The following CIT variants were observed in gnomAD, a reference collection of about 807,000 sequenced individuals.
The protein encoded by CIT is citron rho-interacting serine/threonine kinase, also known as citron Rho-interacting kinase.
In CIT, 79 loss-of-function variants were observed where a neutral mutation model predicts 272.7. The ratio of observed to expected loss-of-function variants is 0.29; its 90% CI spans 0.24 to 0.35. The LOEUF (loss-of-function observed/expected upper bound fraction) is 0.35, where lower values mean the gene tolerates loss of function less well. CIT is among the 10% of genes least tolerant of loss of function. The pLI is 1.00. For missense variants in CIT, 1,909 were observed against 2,618.3 expected, an observed-to-expected ratio of 0.73 and a Z score of 5.91; for synonymous variants, 948 against 995.6, an observed-to-expected ratio of 0.95 and a Z score of 0.90.
intron 10 of CIT, among the ~76,000 whole-genome samples, chr12:119,793,587 G>A (rs1042690574): frequency 1.1e-4 from 17 of 152,218 alleles, no homozygotes; most frequent in Non-Finnish European, 4.4e-5. Context: ...CATGTTCCTT[G>A]TGTATCCTTA....
chr12:119,773,010 A>C, intron 16 of CIT, 100 bp from the exon 17 acceptor site: 1 of 939,310 alleles, frequency 1.1e-6, no homozygotes, highest in Non-Finnish European at 1.4e-6. Flanking sequence ...CTTAAAGTAT[A>C]ATCTAAAAAA....
Position 119,728,074 on chromosome 12 carries a change from C to A in CIT, c.3591+428G>T, listed in dbSNP as rs1204414413. On this transcript the variant is annotated intron_variant, in intron 28 of 47. Transcript: ENST00000392521. This position sits in a 1 kb window ranked among gnomAD's most constrained non-coding sequence, Gnocchi z 4.3. ...ATGCAACATTCTGGAAAAGGGAAAA[C>A]TATGGAGACAGCAAAAAGATCAGTG... Among the ~76,000 whole-genome samples the A allele has an allele frequency of 6.6e-6, 1 of 152,118 alleles. No individual in the cohort carries two copies. Among genetic ancestry groups the A allele is most frequent in the African/African-American group, 2.4e-5 (1 of 41,428 alleles).
chr12:119,810,410 C>G (rs147697126), intron 9 of CIT, among the ~76,000 whole-genome samples: 21 of 152,170 alleles, frequency 1.4e-4, no homozygotes, highest in Non-Finnish European at 1.3e-4. Flanking sequence ...AAAGAAGTAA[C>G]AAAATGTGGC....
chr12:119,693,933 T>C (rs1213180438), intron 46 of CIT, among the ~76,000 whole-genome samples: 1 of 152,228 alleles, frequency 6.6e-6, no homozygotes, highest in East Asian at 1.9e-4. Flanking sequence ...AGACATTATG[T>C]CGGGCACATG....
intron 10 of CIT, 95 bp downstream of exon 10, chr12:119,803,111 C>A: frequency 3.3e-6 from 1 of 300,622 alleles, no homozygotes. Flanking sequence ...CCACTGCACT[C>A]CCCCCACCTA....
At chr12:119,766,063 G>A (rs1962418970) in intron 19 of CIT, among the ~76,000 whole-genome samples, 1 of 152,162 alleles carries the variant, frequency 6.6e-6, no homozygotes, top group South Asian at 2.1e-4. Flanking sequence ...CACAAACCCT[G>A]TCAGCGGGGG....
Position 119,799,011 on chromosome 12 carries a change from TC to T in CIT, c.1295+4194del, listed in dbSNP as rs377082738. Among the ~76,000 whole-genome samples, 1,010 of 152,232 alleles carry T rather than the reference TC, an allele frequency of 6.6e-3. 5 individuals are homozygous for T. Among genetic ancestry groups the T allele is most frequent in the Middle Eastern group, 0.031 (9 of 294 alleles). The stretch of plus-strand genomic sequence containing the variant: ...CTGGGACTGGACCTTCTAATTCTGT[TC>T]CCCAATCCACTCCTCCCCAACATCC... On this transcript the variant is annotated intron_variant, in intron 10 of 47. Transcript: ENST00000392521.
At chr12:119,756,538 G>C (rs1056411721) in intron 22 of CIT, among the ~76,000 whole-genome samples, 1 of 152,186 alleles carries the variant, frequency 6.6e-6, no homozygotes, top group Non-Finnish European at 1.5e-5. Context: ...CCCATCCAAG[G>C]TGCTCTTCCT....
Position 119,784,918 on chromosome 12 carries a change from G to A in CIT, c.1401+42C>T. On this transcript the variant is annotated intron_variant, in intron 11 of 47. Transcript: ENST00000392521. The surrounding 1 kb of genome is among the most constrained non-coding windows in gnomAD (Gnocchi z 4.7). The stretch of plus-strand genomic sequence containing the variant: ...ATCCCTTGGCATATACGGACGGGAG[G>A]ATCCTGGAGCAAGGAAGGAGGCCGG... The A allele has an allele frequency of 6.2e-7, 1 of 1,610,072 alleles. No homozygotes were observed.
chr12:119,725,352 G>A (rs1381195110), intron 28 of CIT, among the ~76,000 whole-genome samples: 4 of 152,048 alleles, frequency 2.6e-5, no homozygotes, highest in African/African-American at 4.8e-5. Flanking sequence ...CTTGACCCTC[G>A]GAGGTGGAGG....
Position 119,857,625 on chromosome 12 carries a change from A to G in CIT, c.312T>C (p.Gly104=), listed in dbSNP as rs765423761. The G allele has an allele frequency of 2.5e-6, 4 of 1,614,168 alleles. No individual in the cohort carries two copies. Among genetic ancestry groups the G allele is most frequent in the East Asian group, 4.5e-5 (2 of 44,882 alleles). ...AKDFEVRSLV[G]CGHFAEVQVV... is the part of the protein sequence containing the mutation. ...CCTGCACTTCAGCAAAGTGACCACA[A>G]CCTACAAGACTTCTGACTTCGAAGT... The change falls in exon 4 of 48, where the codon GGT becomes GGC. Residue 104 remains glycine (G), a synonymous_variant. Transcript: ENST00000392521.
At chr12:119,877,056 C>T (rs1246315029) in intron 1 of CIT, among the ~76,000 whole-genome samples, 193 bp downstream of exon 1, 3 of 152,170 alleles carry the variant, frequency 2.0e-5, no homozygotes, top group African/African-American at 7.2e-5. Context: ...GCTGACCCCT[C>T]GGCTCCCAAG....
intron 4 of CIT, among the ~76,000 whole-genome samples, chr12:119,854,524 T>C (rs1246443071): frequency 1.3e-5 from 2 of 151,730 alleles, no homozygotes; most frequent in East Asian, 3.9e-4. Flanking sequence ...CCGCCTGTAG[T>C]CCCAGCTACT....
intron 26 of CIT, among the ~76,000 whole-genome samples, chr12:119,731,163 T>C (rs999709014): frequency 4.6e-5 from 7 of 151,394 alleles, no homozygotes; most frequent in African/African-American, 1.7e-4. Flanking sequence ...TTAAATGTTT[T>C]TGGGTACTCA....
intron 40 of CIT, 128 bp from the exon 41 acceptor site, chr12:119,704,583 G>T: frequency 1.2e-6 from 1 of 800,944 alleles, no homozygotes; most frequent in Non-Finnish European, 2.0e-6. Context: ...GTGGTGGGGG[G>T]AGGGCTGTCC....
chr12:119,817,511 C>CA (rs149351532), intron 9 of CIT, among the ~76,000 whole-genome samples: 9 of 150,284 alleles, frequency 6.0e-5, no homozygotes, highest in South Asian at 2.1e-4. Context: ...GACCCCATCT[C>CA]AAAAAAAAAT....
In CIT at chr12:119,803,293, T is replaced by G; in HGVS notation, c.1208A>C (p.Gln403Pro). ...KNSWVSSSPC[Q>P]LSPSGFSGEE... ...ACCCGAGAAGCCTGAGGGGCTCAGC[T>G]GGCACGGAGAGGATGAAACCCACGA... Residue 403 changes from glutamine to proline, a missense_variant, in exon 10 of 48, where the codon CAG becomes CCG. By Grantham distance (76) the Gln-to-Pro change is moderately conservative. This residue lies in a region of CIT where 529 missense variants were observed against 549.6 expected (regional missense o/e 0.96). Coordinates refer to ENST00000392521, the MANE Select transcript of CIT (RefSeq NM_001206999.2). The G allele has an allele frequency of 6.2e-7, 1 of 1,610,622 alleles. No individual in the cohort carries two copies. Among genetic ancestry groups the G allele is most frequent in the Non-Finnish European group, 8.5e-7 (1 of 1,178,402 alleles).
In CIT at chr12:119,690,446, T is replaced by C; in HGVS notation, c.5891A>G (p.Asn1964Ser). ...RGPSTSRSSP[N>S]KRGPPTYNEH... ...GTTGTACGTGGGTGGGCCTCGCTTG[T>C]TGGGGCTGCTGGCGACACAAGAGGA... The change falls in exon 47 of 48, where the codon AAC becomes AGC. Residue 1964 changes from asparagine to serine, a missense_variant. Asn to Ser is a conservative substitution (Grantham distance 46). Transcript: ENST00000392521. This position sits in a 1 kb window ranked among gnomAD's most constrained non-coding sequence, Gnocchi z 6.0. 1 of 1,586,974 alleles carries C rather than the reference T, an allele frequency of 6.3e-7. No homozygotes were observed. The highest frequency in any genetic ancestry group is 1.1e-5 in the South Asian group (1 of 88,212).
chr12:119,874,569 T>G (rs1256647868), intron 2 of CIT, among the ~76,000 whole-genome samples: 2 of 152,208 alleles, frequency 1.3e-5, no homozygotes, highest in Non-Finnish European at 2.9e-5. Flanking sequence ...TATTTGGAAG[T>G]AATCTTATGA....
Sources: allele counts gnomAD v4.1 joint callset (sites outside exome capture counted in the v4.1 genomes callset), GRCh38; gene constraint gnomAD v4.1.1; regional missense constraint gnomAD v4.1.1; non-coding constraint Gnocchi (gnomAD v3.1); transcripts MANE v1.5; gene names NCBI Gene and HGNC (gene_info 2026-07-23, HGNC 2026-07-21).